Variants in DNAH12 observed in about 807,000 individuals in gnomAD.
DNAH12 encodes dynein axonemal heavy chain 12.
In DNAH12, 285 loss-of-function variants were observed where a neutral mutation model predicts 371.5. The ratio of observed to expected loss-of-function variants is 0.77; its 90% CI spans 0.70 to 0.85. The LOEUF is 0.85. DNAH12 is among the 40% of genes least tolerant of loss of function. The pLI is 0.00. For missense variants in DNAH12, 3,611 were observed against 3,689.4 expected (o/e 0.98, Z 0.55); for synonymous variants, 1,200 against 1,213.0 (o/e 0.99, Z 0.22).
intron 38 of DNAH12, among the ~76,000 whole-genome samples, chr3:57,414,114 T>C (rs1292919720): frequency 6.6e-6 from 1 of 151,596 alleles, no homozygotes; most frequent in Non-Finnish European, 1.5e-5. Context: ...AAAAAAAAAG[T>C]TTAAGTTTCT....
At chr3:57,545,808 A>T (rs2069536494), upstream of DNAH12, among the ~76,000 whole-genome samples, 1 of 152,144 alleles carries the variant, frequency 6.6e-6, no homozygotes, top group South Asian at 2.1e-4. Context: ...GCCCATTTGG[A>T]CAAAAACTTG....
chr3:57,488,285 C>T (rs1255900163), intron 12 of DNAH12, among the ~76,000 whole-genome samples: 1 of 152,004 alleles, frequency 6.6e-6, no homozygotes, highest in South Asian at 2.1e-4. Flanking sequence ...CTCCACTTCC[C>T]GGGTTCAAGC....
chr3:57,476,389 C>A (rs1016936101), intron 13 of DNAH12, among the ~76,000 whole-genome samples: 5 of 151,992 alleles, frequency 3.3e-5, no homozygotes, highest in African/African-American at 7.2e-5. Flanking sequence ...TATGGTGAAG[C>A]CCCGTCTCTA....
chr3:57,449,392 AG>A (rs1278485198), intron 25 of DNAH12, among the ~76,000 whole-genome samples: 1 of 152,178 alleles, frequency 6.6e-6, no homozygotes, highest in African/African-American at 2.4e-5. Context: ...GCCATGGAGC[AG>A]GGGGTGGTGC....
At chr3:57,425,501 T>A (rs1326548231) in intron 34 of DNAH12, among the ~76,000 whole-genome samples, 1 of 152,124 alleles carries the variant, frequency 6.6e-6, no homozygotes, top group East Asian at 1.9e-4. Context: ...CCTTCTGGAC[T>A]CAGGCAGTCC....
At position 57,314,626 on chromosome 3, in the gene DNAH12, C is replaced by T; in HGVS notation, c.10530G>A (p.Trp3510Ter). Residue 3510 changes from tryptophan (W) to a stop codon, truncating the protein, a stop_gained, in exon 66 of 74, where the codon TGG becomes TGA. Transcript: ENST00000495027. LOFTEE classifies it high-confidence loss of function. Reference protein sequence around the residue: ...FKGCRGKELAWEKLLFGVCFF... With the variant: ...FKGCRGKELA The stretch of plus-strand genomic sequence containing the variant: ...AACAAACTCCAAACAGTAACTTCTC[C>T]CAGGCCTTTAATATAAAAAGTACAT... 1 of 1,538,980 alleles carries T rather than the reference C, an allele frequency of 6.5e-7. No individual in the cohort carries two copies. The highest frequency in any genetic ancestry group is 8.7e-7 in the Non-Finnish European group (1 of 1,144,372).
chr3:57,405,800 C>T lies in DNAH12; in HGVS notation c.6429G>A (p.Val2143=), dbSNP rs78818749. Residue 2143 remains valine, a synonymous_variant, in exon 41 of 74, where the codon GTG becomes GTA. Transcript: ENST00000495027. The stretch of plus-strand genomic sequence containing the variant: ...CATAAAACACTCGGAGAACCTCATG[C>T]ACAAACAGACGGATCATAGTGTGTT... ...ANKHTMIRLF[V]HEVLRVFYDR... 0.013 allele frequency: 19,427 copies of T among 1,551,580 alleles called. 1,891 individuals are homozygous for T. In the African/African-American group the frequency reaches 0.22, roughly 18 times the overall value.
intron 62 of DNAH12, among the ~76,000 whole-genome samples, chr3:57,326,768 T>C (rs1326532923): frequency 2.0e-5 from 3 of 152,114 alleles, no homozygotes; most frequent in East Asian, 1.9e-4. Context: ...GACTGGCAAA[T>C]TGGATAAAGA....
intron 12 of DNAH12, among the ~76,000 whole-genome samples, chr3:57,485,097 T>C (rs918486638): frequency 2.0e-5 from 3 of 152,176 alleles, no homozygotes; most frequent in Non-Finnish European, 4.4e-5. Context: ...TGTAAATTAG[T>C]ACAACCACTA....
intron 2 of DNAH12, among the ~76,000 whole-genome samples, chr3:57,532,864 A>G (rs2068898205): frequency 6.6e-6 from 1 of 152,204 alleles, no homozygotes. Flanking sequence ...TCAAAGCCGT[A>G]GGTCTCTACA....
In DNAH12 at chr3:57,445,156, T is replaced by C; in HGVS notation, c.4425+18A>G. On this transcript the variant is annotated intron_variant, in intron 28 of 73. Transcript: ENST00000495027. ...TCTTTCTACTGAAACTTTCCCAATG[T>C]GTATATTTAATACTTACAAGTATAT... The C allele has an allele frequency of 6.6e-7, 1 of 1,510,440 alleles. No homozygotes were observed. The highest frequency in any genetic ancestry group is 8.9e-7 in the Non-Finnish European group (1 of 1,124,954). The allele number at this position is 1,510,440 out of a possible 1,614,324, so 93.6% of individuals were successfully genotyped here.
intron 36 of DNAH12, among the ~76,000 whole-genome samples, chr3:57,421,208 C>T (rs62250567): frequency 0.31 from 47,111 of 151,856 alleles, 8,681 homozygotes; most frequent in Non-Finnish European, 0.43. Flanking sequence ...CTATCTAGAT[C>T]TTATGGGGGA....
chr3:57,334,295 C>T (rs1668307600), intron 62 of DNAH12, among the ~76,000 whole-genome samples, 170 bp downstream of exon 62: 1 of 152,050 alleles, frequency 6.6e-6, no homozygotes, highest in Admixed American at 6.6e-5. Flanking sequence ...AAAAATATTC[C>T]TAAATTGAGG....
At chr3:57,515,229 T>C (rs2068149762) in intron 4 of DNAH12, among the ~76,000 whole-genome samples, 1 of 152,158 alleles carries the variant, frequency 6.6e-6, no homozygotes, top group Non-Finnish European at 1.5e-5. Flanking sequence ...ACACATATCA[T>C]GGTTTTTAAA....
intron 4 of DNAH12, among the ~76,000 whole-genome samples, chr3:57,521,414 G>C (rs2068437102): frequency 6.6e-6 from 1 of 151,888 alleles, no homozygotes; most frequent in Non-Finnish European, 1.5e-5. Flanking sequence ...TGTAGTCCCA[G>C]CTACTCAGGA....
At chr3:57,477,056 G>A (rs546233158) in intron 13 of DNAH12, among the ~76,000 whole-genome samples, 10 of 152,204 alleles carry the variant, frequency 6.6e-5, no homozygotes, top group South Asian at 2.1e-4. Context: ...TCATCTCACC[G>A]GGGAGTGTCG....
At chr3:57,464,963 T>C (rs1399084782) in intron 17 of DNAH12, among the ~76,000 whole-genome samples, 2 of 152,186 alleles carry the variant, frequency 1.3e-5, no homozygotes, top group African/African-American at 4.8e-5. Context: ...AATTCTCTTT[T>C]CCGTCCCCTA....
intron 69 of DNAH12, among the ~76,000 whole-genome samples, chr3:57,302,567 A>ATATATATATTTTTTTTTTTT (rs2061380979): frequency 7.3e-5 from 2 of 27,482 alleles, no homozygotes; most frequent in Non-Finnish European, 1.3e-4. Context: ...ATATATATGT[A>ATATATATATTTTTTTTTTTT]TTTTTTTTTT....
Position 57,359,525 on chromosome 3 carries a change from C to A in DNAH12, c.9361-2177G>T, listed in dbSNP as rs1400075937. Among the ~76,000 whole-genome samples, 284 of 140,670 alleles carry A rather than the reference C, an allele frequency of 2.0e-3. 4 individuals carry two copies. In the South Asian group the frequency reaches 0.038, roughly 19 times the overall value. The allele number at this position is 140,670 out of a possible 152,430, so 92.3% of individuals were successfully genotyped here. A position where few individuals can be genotyped will look rare whatever the true frequency, so the allele number is the denominator to read the frequency against. Reference sequence around the variant, plus strand: ...TGTGAGCCGAGATTGCGCCATTGCACTCCAGCCTGGGCAACAAGAGCGAAA... The same window carrying A: ...TGTGAGCCGAGATTGCGCCATTGCAATCCAGCCTGGGCAACAAGAGCGAAA... On this transcript the variant is annotated intron_variant, in intron 58 of 73. Transcript: ENST00000495027.
Sources: allele counts gnomAD v4.1 joint callset (sites outside exome capture counted in the v4.1 genomes callset), GRCh38; gene constraint gnomAD v4.1.1; transcripts MANE v1.5; gene names NCBI Gene and HGNC (gene_info 2026-07-23, HGNC 2026-07-21).